The following ZRANB3 variants were observed in gnomAD, a reference collection of about 807,000 sequenced individuals.
ZRANB3 encodes the protein zinc finger RANBP2-type containing 3.
Under a neutral mutation model 133.8 loss-of-function variants are expected in ZRANB3, and 125 were observed. That is an observed-to-expected ratio of 0.93 (90% CI 0.81 to 1.08). The LOEUF is 1.08. ZRANB3 is among the 50% of genes least tolerant of loss of function. ZRANB3 has a pLI of 0.00. For synonymous variants in ZRANB3, 387 were observed against 432.7 expected (o/e 0.89, Z 1.31); for missense variants, 1,229 against 1,275.5 (o/e 0.96, Z 0.56).
rs1233327770 is a variant in ZRANB3 at position 135,269,141 on chromosome 2, C to A, written c.1207G>T (p.Gly403Ter). The A allele has an allele frequency of 7.6e-6, 12 of 1,585,720 alleles. No homozygotes were observed. The highest frequency in any genetic ancestry group is 1.8e-5 in the Admixed American group (1 of 54,194). ...AILSIQAAGQ[G>*]LTFTAASHVV... ...TGACTTGCTGCAGTAAATGTTAATCCCTAAGTGAAATAAAGCAAATAAATT... is the reference window on the plus strand; with the variant it reads ...TGACTTGCTGCAGTAAATGTTAATCACTAAGTGAAATAAAGCAAATAAATT... The change falls in exon 11 of 21, where the codon GGA becomes TGA. Residue 403 changes from glycine to a stop codon, truncating the protein, a stop_gained and splice_region_variant. Transcript: ENST00000264159. LOFTEE classifies it high-confidence loss of function.
chr2:135,506,203 C>A (rs1330664028), intron 1 of ZRANB3, among the ~76,000 whole-genome samples: 1 of 152,012 alleles, frequency 6.6e-6, no homozygotes, highest in Non-Finnish European at 1.5e-5. Flanking sequence ...CCAGCCTGGT[C>A]AACGTGGCGA....
At chr2:135,415,141 C>T (rs1419005987) in intron 2 of ZRANB3, among the ~76,000 whole-genome samples, 3 of 147,744 alleles carry the variant, frequency 2.0e-5, no homozygotes, top group African/African-American at 7.4e-5. Context: ...AAAAAAAAAA[C>T]CCTTCAAAAA....
At chr2:135,425,096 T>C (rs1574083963) in intron 2 of ZRANB3, among the ~76,000 whole-genome samples, 1 of 152,204 alleles carries the variant, frequency 6.6e-6, no homozygotes, top group South Asian at 2.1e-4. Context: ...CAGGATTATA[T>C]ACCTAGTTGT....
At chr2:135,255,293 C>T (rs1366629105) in intron 12 of ZRANB3, among the ~76,000 whole-genome samples, 1 of 152,002 alleles carries the variant, frequency 6.6e-6, no homozygotes, top group Non-Finnish European at 1.5e-5. Context: ...CACACACACA[C>T]AGCCCCCAGG....
At chr2:135,331,692 T>C (rs1684146795) in intron 6 of ZRANB3, among the ~76,000 whole-genome samples, 1 of 152,136 alleles carries the variant, frequency 6.6e-6, no homozygotes, top group African/African-American at 2.4e-5. Context: ...CTAGGTCTCT[T>C]TGTAGCTCTC....
chr2:135,400,080 G>C (rs1687667980), intron 2 of ZRANB3, among the ~76,000 whole-genome samples: 2 of 151,764 alleles, frequency 1.3e-5, no homozygotes, highest in African/African-American at 4.8e-5. Context: ...TCTCTACTGA[G>C]AGTACAAAAA....
chr2:135,487,967 C>T (rs946877579), intron 2 of ZRANB3, among the ~76,000 whole-genome samples: 1 of 152,232 alleles, frequency 6.6e-6, no homozygotes, highest in South Asian at 2.1e-4. Context: ...ATATCCACTT[C>T]GACCTGCCTT....
chr2:135,197,084 T>C lies in ZRANB3; in HGVS notation c.*3258A>G, dbSNP rs1032437069. ...TATAAAGCAACTGACAAACTTGAGA[T>C]GGGATAAACCCTTTCTGGTAGTTGG... On this transcript the variant is annotated 3_prime_UTR_variant, in exon 21 of 21. Coordinates refer to ENST00000264159, the MANE Select transcript of ZRANB3 (RefSeq NM_032143.4). The C allele has an allele frequency of 4.6e-5, 7 of 152,208 alleles. No individual in the cohort carries two copies. The highest frequency in any genetic ancestry group is 1.7e-4 in the African/African-American group (7 of 41,452). 9.4% of individuals were successfully genotyped at this position (152,208 alleles called of 1,614,324 possible).
At chr2:135,473,415 A>G (rs1243356514) in intron 2 of ZRANB3, among the ~76,000 whole-genome samples, 1 of 152,192 alleles carries the variant, frequency 6.6e-6, no homozygotes, top group African/African-American at 2.4e-5. Context: ...TATACTAACC[A>G]ATTTTATGGC....
At chr2:135,376,222 C>A (rs1311200455) in intron 3 of ZRANB3, among the ~76,000 whole-genome samples, 2 of 152,148 alleles carry the variant, frequency 1.3e-5, no homozygotes, top group African/African-American at 4.8e-5. Context: ...CCTGTTGACA[C>A]CTATTTCAGA....
At chr2:135,245,279 TG>T (rs1695740938) in intron 12 of ZRANB3, among the ~76,000 whole-genome samples, 1 of 152,184 alleles carries the variant, frequency 6.6e-6, no homozygotes, top group Non-Finnish European at 1.5e-5. Context: ...TCATCAACTG[TG>T]CTTTCTGATT....
intron 8 of ZRANB3, among the ~76,000 whole-genome samples, chr2:135,296,668 G>A (rs1019430891): frequency 6.6e-6 from 1 of 152,094 alleles, no homozygotes; most frequent in African/African-American, 2.4e-5. Context: ...GATTTTTAGT[G>A]TTTCTGGTTT....
At chr2:135,516,793 T>C (rs1693717105) in intron 1 of ZRANB3, among the ~76,000 whole-genome samples, 1 of 152,190 alleles carries the variant, frequency 6.6e-6, no homozygotes, top group Non-Finnish European at 1.5e-5. Flanking sequence ...GTGTTCTCCA[T>C]ATTTCCTGAA....
At chr2:135,365,284 C>T (rs184030228) in intron 3 of ZRANB3, among the ~76,000 whole-genome samples, 19 of 151,906 alleles carry the variant, frequency 1.3e-4, no homozygotes, top group Admixed American at 5.3e-4. Context: ...AAAACAAAAA[C>T]GAAATTTGGC....
rs187532582 is a variant in ZRANB3 at position 135,506,877 on chromosome 2, T to C, written c.-7-2381A>G. Among the ~76,000 whole-genome samples the C allele has an allele frequency of 8.5e-5, 13 of 152,312 alleles. No homozygotes were observed. The East Asian group carries it at 2.5e-3, about 29-fold the overall frequency. Reference sequence around the variant, plus strand: ...CACTGCTTCAGTAGGCAATTGAATTTAGAAATGATTTATGAGTCAGTTCTG... The same window carrying C: ...CACTGCTTCAGTAGGCAATTGAATTCAGAAATGATTTATGAGTCAGTTCTG... On this transcript the variant is annotated intron_variant, in intron 1 of 20. Transcript: ENST00000264159.
At chr2:135,255,655 C>A (rs780925046) in intron 12 of ZRANB3, among the ~76,000 whole-genome samples, 8 of 151,986 alleles carry the variant, frequency 5.3e-5, no homozygotes, top group Non-Finnish European at 7.4e-5. Flanking sequence ...TTGAGACCAG[C>A]CTGAGCAACA....
In ZRANB3 at chr2:135,418,982, G is replaced by C. The variant is rs999032942; in HGVS notation, c.162-28162C>G. ...AGACGGAGTCTCGTTCTGTCACCCA[G>C]GCTGGAGTGCAGTGGTGCGATCTCG... On this transcript the variant is annotated intron_variant, in intron 2 of 20. Coordinates refer to ENST00000264159, the MANE Select transcript of ZRANB3 (RefSeq NM_032143.4). Among the ~76,000 whole-genome samples the C allele has an allele frequency of 2.5e-5, 3 of 122,390 alleles. 1 individual carries two copies. The highest frequency in any genetic ancestry group is 1.6e-5 in the Non-Finnish European group (1 of 63,568). The allele number at this position is 122,390 out of a possible 152,430, so 80.3% of individuals were successfully genotyped here. A position where few individuals can be genotyped will look rare whatever the true frequency, so the allele number is the denominator to read the frequency against.
intron 2 of ZRANB3, among the ~76,000 whole-genome samples, chr2:135,445,605 C>A (rs974517605): frequency 1.2e-4 from 19 of 152,040 alleles, no homozygotes; most frequent in Admixed American, 8.5e-4. Context: ...GGGCCAGGTG[C>A]AGTGGCTCAC....
chr2:135,256,000 A>C (rs183432516), intron 12 of ZRANB3, among the ~76,000 whole-genome samples: 39 of 150,586 alleles, frequency 2.6e-4, no homozygotes, highest in Middle Eastern at 3.4e-3. Flanking sequence ...TACAGACTCG[A>C]CCGCCCTGGG....
Sources: allele counts gnomAD v4.1 joint callset (sites outside exome capture counted in the v4.1 genomes callset), GRCh38; gene constraint gnomAD v4.1.1; transcripts MANE v1.5; gene names NCBI Gene and HGNC (gene_info 2026-07-23, HGNC 2026-07-21).